NDRG4: variants seen among roughly 807,000 people sequenced by gnomAD.
The protein encoded by NDRG4 is protein NDRG4.
A neutral mutation model predicts 55.8 loss-of-function variants in NDRG4; 38 were observed. The observed-to-expected ratio is 0.68, with a 90% confidence interval of 0.53 to 0.89. NDRG4 has a LOEUF of 0.89. Ranked by LOEUF, NDRG4 falls within the 40% of genes least tolerant of loss-of-function variation. The pLI, the probability that NDRG4 is intolerant of heterozygous loss-of-function variation, is 0.00. For synonymous variants in NDRG4, 190 were observed against 182.7 expected (o/e 1.04, Z -0.32); for missense variants, 455 against 468.6 (o/e 0.97, Z 0.27).
In NDRG4 at chr16:58,464,323, G is replaced by A. The variant is rs2031141209; in HGVS notation, c.-24+526G>A. 1.0e-6 allele frequency: 1 copy of A among 1,004,536 alleles called. No individual in the cohort carries two copies. Among genetic ancestry groups the A allele is most frequent in the Non-Finnish European group, 1.3e-6 (1 of 754,892 alleles). 62.2% of individuals were successfully genotyped at this position (1,004,536 alleles called of 1,614,324 possible). Reference sequence around the variant, plus strand: ...TGAGCTGCTCCTGCCGCTTCGCTCCGCGCTCTCCTGCCGCTCCGCTCCGGG... The same window carrying A: ...TGAGCTGCTCCTGCCGCTTCGCTCCACGCTCTCCTGCCGCTCCGCTCCGGG... On this transcript the variant is annotated intron_variant, in intron 1 of 15. Transcript: ENST00000258187. The surrounding 1 kb of genome is among the most constrained non-coding windows in gnomAD (Gnocchi z 4.8).
intron 1 of NDRG4, chr16:58,487,728 A>G: frequency 6.8e-7 from 1 of 1,480,854 alleles, no homozygotes; most frequent in Non-Finnish European, 9.1e-7. Context: ...CCGCCGCAGC[A>G]GGCCTCAACC....
rs1325752860 is a variant in NDRG4, at chr16:58,464,722, C to T, written c.-24+925C>T. The stretch of plus-strand genomic sequence containing the variant: ...GGGGTGGCCCCATGGGGTCTCTGAC[C>T]AGCGGAGCTCGGATTAGGACCCTGA... On this transcript the variant is annotated intron_variant, in intron 1 of 15. Coordinates refer to the NDRG4 transcript ENST00000258187. This position sits in a 1 kb window ranked among gnomAD's most constrained non-coding sequence, Gnocchi z 4.8. 2.1e-5 allele frequency: 26 copies of T among 1,259,472 alleles called. No homozygotes were observed. Among genetic ancestry groups the T allele is most frequent in the East Asian group, 3.2e-5 (1 of 31,644 alleles). 78.0% of individuals were successfully genotyped at this position (1,259,472 alleles called of 1,614,324 possible).
Position 58,506,597 on chromosome 16 carries a change from T to C in NDRG4, c.499T>C (p.Ser167Pro). ...TAGCACTTTACCCGACACGGTGCTC[T>C]CCCACCTCTTCAGCCAGGTAAGGGG... ...LTSTLPDTVL[S>P]HLFSQEELVN... Residue 167 changes from serine to proline, a missense_variant, in exon 7 of 15, where the codon TCC (serine) becomes CCC (proline). By Grantham distance (74) the Ser-to-Pro change is moderately conservative. Transcript: ENST00000570248. 6.4e-7 allele frequency: 1 copy of C among 1,564,056 alleles called. No individual in the cohort carries two copies.
intron 1 of NDRG4, among the ~76,000 whole-genome samples, chr16:58,474,604 ACT>A: frequency 6.6e-6 from 1 of 152,054 alleles, no homozygotes; most frequent in Non-Finnish European, 1.5e-5. Flanking sequence ...CTGTGAATTT[ACT>A]TAGGTTTGTT....
intron 1 of NDRG4, among the ~76,000 whole-genome samples, chr16:58,476,174 A>G (rs951212932): frequency 2.4e-4 from 37 of 152,236 alleles, no homozygotes; most frequent in African/African-American, 8.2e-4. Flanking sequence ...TCACGTCATC[A>G]TAAACAAATT....
intron 1 of NDRG4, chr16:58,463,953 G>GC (rs2031037997): frequency 8.2e-6 from 1 of 122,366 alleles, no homozygotes; most frequent in African/African-American, 3.1e-5. Flanking sequence ...ACTCGCTCCC[G>GC]CCCCATTTCG....
rs546490940 is a variant in NDRG4, at chr16:58,506,690, G to T, written c.516+76G>T. On this transcript the variant is annotated intron_variant, in intron 7 of 14. Transcript: ENST00000570248. ...CCAGCTGGCTCGGTAGGAGGCAGGC[G>T]GGTGTCTTTGGCATCTGACCTGGCT... The T allele has an allele frequency of 5.7e-5, 84 of 1,483,162 alleles. No individual in the cohort carries two copies. In the Middle Eastern group the frequency reaches 6.9e-4, roughly 12 times the overall value. The allele number at this position is 1,483,162 out of a possible 1,614,324, so 91.9% of individuals were successfully genotyped here. A position where few individuals can be genotyped will look rare whatever the true frequency, so the allele number is the denominator to read the frequency against.
intron 10 of NDRG4, 69 bp from the exon 11 acceptor site, chr16:58,508,893 C>CA: frequency 6.3e-7 from 1 of 1,577,872 alleles, no homozygotes; most frequent in Non-Finnish European, 8.6e-7. Context: ...CTTGGGGCAT[C>CA]AAACCTGCCT....
chr16:58,478,277 T>TA (rs1778783346), intron 1 of NDRG4, among the ~76,000 whole-genome samples: 1 of 151,768 alleles, frequency 6.6e-6, no homozygotes, highest in South Asian at 2.1e-4. Flanking sequence ...TAATCCCAGC[T>TA]ACTTGGGAGG....
chr16:58,502,073 C>T (rs932267039), intron 1 of NDRG4: 12 of 452,544 alleles, frequency 2.7e-5, no homozygotes, highest in African/African-American at 2.4e-4. Flanking sequence ...AACATGCAGC[C>T]TTCAGTGCAC....
At chr16:58,502,274 G>A (rs1490414270) in intron 1 of NDRG4, 6 of 337,620 alleles carry the variant, frequency 1.8e-5, no homozygotes, top group East Asian at 1.5e-4. Context: ...GATGGGCCCC[G>A]AGAAAGGATA....
Position 58,506,544 on chromosome 16 carries a change from C to T in NDRG4, c.460-14C>T. 1.3e-6 allele frequency: 2 copies of T among 1,599,502 alleles called. No individual in the cohort carries two copies. Among genetic ancestry groups the T allele is most frequent in the East Asian group, 2.2e-5 (1 of 44,692 alleles). ...TGAGGGGCGGCACTCACGCTGGCGC[C>T]CTGCTCCCTGCAGCTCTCCGGCCTA... On this transcript the variant is annotated splice_polypyrimidine_tract_variant and intron_variant, in intron 6 of 14. Coordinates refer to ENST00000570248, the MANE Select transcript of NDRG4 (RefSeq NM_001242835.2).
chr16:58,477,194 G>A (rs2151607740), intron 1 of NDRG4, among the ~76,000 whole-genome samples: 1 of 151,326 alleles, frequency 6.6e-6, no homozygotes, highest in South Asian at 2.1e-4. Flanking sequence ...GTGTGTGTTA[G>A]TGTCTTGCAT....
exon 2 of NDRG4, chr16:58,487,819 C>T (rs748205667): frequency 3.9e-6 from 6 of 1,542,820 alleles, no homozygotes; most frequent in Middle Eastern, 2.2e-4. Flanking sequence ...GAGGAGAAGC[C>T]GCTGCTCCGG....
At chr16:58,485,425 G>C (rs1040254509) in intron 1 of NDRG4, among the ~76,000 whole-genome samples, 36 of 152,310 alleles carry the variant, frequency 2.4e-4, no homozygotes, top group African/African-American at 8.4e-4. Context: ...CATGGGCCTT[G>C]GGGAGGATGG....
intron 8 of NDRG4, chr16:58,507,383 C>G: frequency 2.7e-6 from 1 of 372,172 alleles, no homozygotes; most frequent in Admixed American, 4.1e-5. Flanking sequence ...CTTGGAGCCC[C>G]CTTTAGGGGC....
chr16:58,512,127 A>T lies in NDRG4; in HGVS notation c.*551A>T. On this transcript the variant is annotated 3_prime_UTR_variant, in exon 15 of 15. Transcript: ENST00000570248. ...CACTTTCCTGGTGCTCTCTGGGCCC[A>T]GCTGGTGCTGTAGGGCCACGCAGGC... 1 of 456,570 alleles carries T rather than the reference A, an allele frequency of 2.2e-6. No homozygotes were observed. Among genetic ancestry groups the T allele is most frequent in the Non-Finnish European group, 4.4e-6 (1 of 226,890 alleles). 28.3% of individuals were successfully genotyped at this position (456,570 alleles called of 1,614,324 possible). A position where few individuals can be genotyped will look rare whatever the true frequency, so the allele number is the denominator to read the frequency against.
At chr16:58,509,805 T>C (rs1476533296) in intron 13 of NDRG4, among the ~76,000 whole-genome samples, 1 of 152,104 alleles carries the variant, frequency 6.6e-6, no homozygotes, top group South Asian at 2.1e-4. Context: ...AGGGGCATCA[T>C]AGGAGTGGGC....
chr16:58,472,583 G>C (rs150655317), intron 1 of NDRG4, among the ~76,000 whole-genome samples: 4 of 152,156 alleles, frequency 2.6e-5, no homozygotes, highest in Non-Finnish European at 5.9e-5. Context: ...TAGAAGTTAC[G>C]TTAGGTCTCT....
Sources: gnomAD v4.1 joint callset for allele counts (sites outside exome capture counted in the v4.1 genomes callset) on GRCh38, gnomAD v4.1.1 for gene constraint, Gnocchi (gnomAD v3.1) non-coding constraint, MANE v1.5 for transcripts, NCBI Gene and HGNC (gene_info 2026-07-23, HGNC 2026-07-21) for gene names.